PCOLCE2: variants seen among roughly 807,000 people sequenced by gnomAD.
PCOLCE2 encodes the protein procollagen C-proteinase enhancer 2.
Under a neutral mutation model 47.0 loss-of-function variants are expected in PCOLCE2, and 42 were observed. That is an observed-to-expected ratio of 0.89 (90% CI 0.70 to 1.16). PCOLCE2 has a LOEUF of 1.16. PCOLCE2 is among the 50% of genes most tolerant of loss of function. The probability of loss-of-function intolerance (pLI) is 0.00; values close to 1 mark genes in which losing one functional copy is unlikely to be tolerated. For missense variants in PCOLCE2, 500 were observed against 526.1 expected (o/e 0.95, Z 0.49); for synonymous variants, 169 against 191.7 (o/e 0.88, Z 0.98).
chr3:142,886,345 G>T (rs369831293), intron 2 of PCOLCE2, among the ~76,000 whole-genome samples: 1 of 152,006 alleles, frequency 6.6e-6, no homozygotes, highest in Non-Finnish European at 1.5e-5. Context: ...TTCTAGGGTC[G>T]TTTAAAACTT....
intron 3 of PCOLCE2, 91 bp from the exon 4 acceptor site, chr3:142,843,139 T>C (rs1234466722): frequency 3.8e-6 from 5 of 1,314,170 alleles, no homozygotes; most frequent in Non-Finnish European, 5.5e-6. Flanking sequence ...GGATCTTTGG[T>C]GAGAGTACAG....
At chr3:142,854,322 G>A (rs1348437456) in intron 2 of PCOLCE2, among the ~76,000 whole-genome samples, 4 of 125,872 alleles carry the variant, frequency 3.2e-5, no homozygotes, top group African/African-American at 1.2e-4. Context: ...CGTAAAGCTC[G>A]AGGCACAGTT....
intron 3 of PCOLCE2, 45 bp from the exon 4 acceptor site, chr3:142,843,093 T>C (rs1937284163): frequency 1.9e-6 from 3 of 1,591,520 alleles, no homozygotes; most frequent in Non-Finnish European, 2.6e-6. Context: ...TTTATGTAGG[T>C]TACAGCAATA....
At chr3:142,859,136 C>T (rs1420551295) in intron 2 of PCOLCE2, among the ~76,000 whole-genome samples, 4 of 151,722 alleles carry the variant, frequency 2.6e-5, no homozygotes, top group Non-Finnish European at 5.9e-5. Flanking sequence ...GATCTCAGCT[C>T]ATTGCAACCT....
chr3:142,831,330 G>GC (rs898328809), intron 5 of PCOLCE2, among the ~76,000 whole-genome samples: 3 of 152,158 alleles, frequency 2.0e-5, no homozygotes, highest in Admixed American at 6.5e-5. Context: ...AGCATGCTCT[G>GC]CCCCCCTTGC....
rs543511460 is a variant in PCOLCE2 at position 142,869,183 on chromosome 3, C to T, written c.192+18486G>A. On this transcript the variant is annotated intron_variant, in intron 2 of 8. Coordinates refer to ENST00000295992, the MANE Select transcript of PCOLCE2 (RefSeq NM_013363.4). ...GCGGGCGCCTGTAGTCCCAGCTACTCGGGAGGCTGAGGCAGGAGAACGGTG... is the reference window on the plus strand; with the variant it reads ...GCGGGCGCCTGTAGTCCCAGCTACTTGGGAGGCTGAGGCAGGAGAACGGTG... Among the ~76,000 whole-genome samples, 15 of 151,590 alleles carry T rather than the reference C, an allele frequency of 9.9e-5. No homozygotes were observed. The South Asian group carries it at 2.9e-3, about 30-fold the overall frequency.
chr3:142,820,782 G>A lies in PCOLCE2; in HGVS notation c.1117+96C>T, dbSNP rs1019230008. The A allele has an allele frequency of 5.9e-6, 6 of 1,013,562 alleles. No homozygotes were observed. In the African/African-American group the frequency reaches 9.5e-5, roughly 16 times the overall value. The allele number at this position is 1,013,562 out of a possible 1,614,324, so 62.8% of individuals were successfully genotyped here. ...AAGGCCTTCCTGCTCTGCAAGAAGT[G>A]GGCAACATATTAGCCCTGATTTTAC... On this transcript the variant is annotated intron_variant, in intron 8 of 8. Transcript: ENST00000295992.
chr3:142,881,516 A>C (rs1393736632), intron 2 of PCOLCE2, among the ~76,000 whole-genome samples: 8 of 152,148 alleles, frequency 5.3e-5, no homozygotes, highest in Admixed American at 3.3e-4. Flanking sequence ...TGTTGTGCAA[A>C]TATCACAGAG....
intron 2 of PCOLCE2, among the ~76,000 whole-genome samples, chr3:142,871,732 G>T (rs923607084): frequency 6.6e-6 from 1 of 152,134 alleles, no homozygotes; most frequent in East Asian, 1.9e-4. Flanking sequence ...CAGACTGGCT[G>T]CTCCCTAATC....
Position 142,838,808 on chromosome 3 carries a change from A to G in PCOLCE2, c.672T>C (p.Ala224=), listed in dbSNP as rs1167217014. The change falls in exon 5 of 9, where the codon GCT becomes GCC. Residue 224 remains alanine (A), a synonymous_variant. Coordinates refer to ENST00000295992, the MANE Select transcript of PCOLCE2 (RefSeq NM_013363.4). The part of the protein sequence containing the change: ...AVFNGGEVND[A]RRIGKYCGDS... ...CACCACAATACTTTCCAATTCTTCT[A>G]GCATCGTTGACTTCCCCGCCATTAA... 1 of 1,613,778 alleles carries G rather than the reference A, an allele frequency of 6.2e-7. No homozygotes were observed. Among genetic ancestry groups the G allele is most frequent in the African/African-American group, 1.3e-5 (1 of 74,912 alleles).
intron 2 of PCOLCE2, among the ~76,000 whole-genome samples, chr3:142,857,327 A>T (rs2108201931): frequency 6.6e-6 from 1 of 152,266 alleles, no homozygotes; most frequent in Non-Finnish European, 1.5e-5. Context: ...GAAAGCTGTT[A>T]GTTGTGTCAG....
intron 2 of PCOLCE2, among the ~76,000 whole-genome samples, chr3:142,870,312 A>AGAT (rs1380804238): frequency 6.6e-6 from 1 of 152,226 alleles, no homozygotes; most frequent in East Asian, 1.9e-4. Context: ...ATCACACTCG[A>AGAT]GATCTAAAAA....
chr3:142,836,799 T>C (rs1023341580), intron 5 of PCOLCE2, among the ~76,000 whole-genome samples: 1 of 151,210 alleles, frequency 6.6e-6, no homozygotes, highest in African/African-American at 2.4e-5. Flanking sequence ...AGGATAAACA[T>C]GAAGAAAAAG....
At chr3:142,867,906 G>A (rs939238220) in intron 2 of PCOLCE2, among the ~76,000 whole-genome samples, 11 of 152,164 alleles carry the variant, frequency 7.2e-5, no homozygotes, top group Admixed American at 6.5e-5. Flanking sequence ...GAATTGTGGA[G>A]GACTGTGACT....
At position 142,827,036 on chromosome 3, in the gene PCOLCE2, T is replaced by C. The variant is rs72992650; in HGVS notation, c.865+2656A>G. Reference sequence around the variant, plus strand: ...TCTTGATCATTGTTTCAACTATCTATATATTGATGACTCTTACTTTTTTTT... The same window carrying C: ...TCTTGATCATTGTTTCAACTATCTACATATTGATGACTCTTACTTTTTTTT... On this transcript the variant is annotated intron_variant, in intron 6 of 8. Coordinates refer to ENST00000295992, the MANE Select transcript of PCOLCE2 (RefSeq NM_013363.4). 9.8e-3 allele frequency: 8,524 copies of C among 865,706 alleles called. 521 individuals carry two copies. The African/African-American group carries it at 0.13, about 13-fold the overall frequency. The allele number at this position is 865,706 out of a possible 1,614,324, so 53.6% of individuals were successfully genotyped here. A position where few individuals can be genotyped will look rare whatever the true frequency, so the allele number is the denominator to read the frequency against.
At chr3:142,876,025 AC>A (rs1560141405) in intron 2 of PCOLCE2, among the ~76,000 whole-genome samples, 1 of 152,130 alleles carries the variant, frequency 6.6e-6, no homozygotes, top group Non-Finnish European at 1.5e-5. Flanking sequence ...AAATCATTGC[AC>A]CCAAAGGAGT....
At chr3:142,847,144 G>A (rs1268329338) in intron 3 of PCOLCE2, among the ~76,000 whole-genome samples, 4 of 152,178 alleles carry the variant, frequency 2.6e-5, no homozygotes, top group Non-Finnish European at 4.4e-5. Context: ...TGTTTCCCTG[G>A]CAGCAGGCAG....
chr3:142,858,164 G>A (rs765079157), intron 2 of PCOLCE2, among the ~76,000 whole-genome samples: 6 of 152,164 alleles, frequency 3.9e-5, no homozygotes, highest in Admixed American at 6.5e-5. Context: ...AGAGCCCACT[G>A]TTCCCTCTCC....
chr3:142,869,564 C>T (rs138900397), intron 2 of PCOLCE2, among the ~76,000 whole-genome samples: 2,120 of 152,256 alleles, frequency 0.014, 80 homozygotes, highest in Admixed American at 0.085. Context: ...TGATAAAAAA[C>T]ACAGTCTATC....
Sources: allele counts gnomAD v4.1 joint callset (sites outside exome capture counted in the v4.1 genomes callset), GRCh38; gene constraint gnomAD v4.1.1; transcripts MANE v1.5; gene names NCBI Gene and HGNC (gene_info 2026-07-23, HGNC 2026-07-21).